GNE: variants seen among roughly 807,000 people sequenced by gnomAD.
The protein encoded by GNE is glucosamine (UDP-N-acetyl)-2-epimerase/N-acetylmannosamine kinase, also known as bifunctional UDP-N-acetylglucosamine 2-epimerase/N-acetylmannosamine kinase.
A neutral mutation model predicts 61.8 loss-of-function variants in GNE; 41 were observed. The ratio of observed to expected loss-of-function variants is 0.66; its 90% CI spans 0.52 to 0.86. The LOEUF (loss-of-function observed/expected upper bound fraction) is 0.86. GNE is among the 40% of genes least tolerant of loss of function. GNE has a pLI of 0.00. For synonymous variants in GNE, 264 were observed against 326.4 expected (o/e 0.81, Z 2.06); for missense variants, 608 against 909.1 (o/e 0.67, Z 4.26).
intron 1 of GNE, among the ~76,000 whole-genome samples, chr9:36,267,560 G>C (rs1014642071): frequency 6.6e-6 from 1 of 152,014 alleles, no homozygotes; most frequent in Middle Eastern, 3.4e-3. Flanking sequence ...GTCAGGCGTG[G>C]TGGCAGGTGC....
At position 36,216,345 on chromosome 9, in the gene GNE, G is replaced by GTGTGTGTGTGTGTGTGTGTGTA; in HGVS notation, c.*1019_*1020insTACACACACACACACACACACA. The stretch of plus-strand genomic sequence containing the variant: ...AGGAAGGATGTGTGTGTGTGTGTGT[G>GTGTGTGTGTGTGTGTGTGTGTA]TGTGTGTGTAGACGGAGTCTCGCTC... On this transcript the variant is annotated 3_prime_UTR_variant, in exon 12 of 12. Coordinates refer to ENST00000642385, the MANE Select transcript of GNE (RefSeq NM_005476.7). 1 of 423,248 alleles carries GTGTGTGTGTGTGTGTGTGTGTA rather than the reference G, an allele frequency of 2.4e-6. No individual in the cohort carries two copies. Among genetic ancestry groups the GTGTGTGTGTGTGTGTGTGTGTA allele is most frequent in the African/African-American group, 2.0e-5 (1 of 48,954 alleles). 26.2% of individuals were successfully genotyped at this position (423,248 alleles called of 1,614,324 possible).
chr9:36,229,628 A>G (rs1450330896), intron 5 of GNE, among the ~76,000 whole-genome samples: 1 of 152,112 alleles, frequency 6.6e-6, no homozygotes, highest in African/African-American at 2.4e-5. Context: ...TCAAGAAAGG[A>G]GTTGTTTTGT....
At chr9:36,242,734 T>C (rs867489749) in intron 3 of GNE, among the ~76,000 whole-genome samples, 33,691 of 87,204 alleles carry the variant, frequency 0.39, 5,788 homozygotes, top group Non-Finnish European at 0.45. Context: ...TTATGCTTGT[T>C]TTTTTTTTTT....
chr9:36,245,087 G>C (rs1829814034), intron 3 of GNE, among the ~76,000 whole-genome samples: 1 of 151,548 alleles, frequency 6.6e-6, no homozygotes, highest in Admixed American at 6.6e-5. Context: ...AGACCAGCCT[G>C]GCCAACATGG....
At chr9:36,245,946 A>G (rs1241541796) in intron 3 of GNE, 85 bp downstream of exon 3, 14 of 1,070,604 alleles carry the variant, frequency 1.3e-5, no homozygotes, top group Non-Finnish European at 1.8e-5. Flanking sequence ...TATTCTATCC[A>G]TAATAGTTTC....
chr9:36,272,956 G>C (rs1831098641), intron 1 of GNE, among the ~76,000 whole-genome samples: 2 of 149,926 alleles, frequency 1.3e-5, no homozygotes, highest in South Asian at 2.1e-4. Flanking sequence ...ATGGTGGCGT[G>C]CGCCTGTAGT....
intron 4 of GNE, among the ~76,000 whole-genome samples, chr9:36,235,626 G>A (rs934229238): frequency 4.6e-5 from 7 of 152,062 alleles, no homozygotes; most frequent in Non-Finnish European, 8.8e-5. Context: ...AAATTTAAAG[G>A]TCAGAAAAGA....
Position 36,217,501 on chromosome 9 carries a change from ATG to A in GNE, c.2031_2032del (p.Ile678CysfsTer25). 1 of 1,614,018 alleles carries A rather than the reference ATG, an allele frequency of 6.2e-7. No individual in the cohort carries two copies. On this transcript the variant is annotated frameshift_variant, in exon 12 of 12. Coordinates refer to ENST00000642385, the MANE Select transcript of GNE (RefSeq NM_005476.7). LOFTEE classifies it high-confidence loss of function. ...CTGCTGGCGAATGACGTCTTTGACA[ATG>A]TGGATATAGTGACTGGCCAGGACTC... is the stretch of plus-strand genomic sequence containing the variant.
upstream of GNE, among the ~76,000 whole-genome samples, chr9:36,259,403 T>C (rs1830534229): frequency 6.8e-6 from 1 of 147,528 alleles, no homozygotes; most frequent in South Asian, 2.1e-4. Flanking sequence ...TTTTTTTTTT[T>C]ACAACCATTA....
chr9:36,259,012 C>T (rs946533336), upstream of GNE, among the ~76,000 whole-genome samples: 1 of 152,180 alleles, frequency 6.6e-6, no homozygotes, highest in African/African-American at 2.4e-5. Flanking sequence ...AGTCCCGAGG[C>T]CTAGGGACAT....
intron 3 of GNE, 52 bp from the exon 4 acceptor site, chr9:36,237,036 G>A (rs1249312302): frequency 3.5e-6 from 5 of 1,428,492 alleles, no homozygotes; most frequent in South Asian, 1.2e-5. Flanking sequence ...AATCTTAAAA[G>A]AGAAAGAAGC....
At chr9:36,241,323 G>A (rs1829622072) in intron 3 of GNE, among the ~76,000 whole-genome samples, 1 of 152,088 alleles carries the variant, frequency 6.6e-6, no homozygotes, top group African/African-American at 2.4e-5. Context: ...CACCATGTTG[G>A]CCAGGATGGT....
chr9:36,248,346 C>T (rs1829986537), intron 2 of GNE, among the ~76,000 whole-genome samples: 1 of 150,700 alleles, frequency 6.6e-6, no homozygotes, highest in African/African-American at 2.4e-5. Context: ...CGGAGTCTCA[C>T]TCTTGTTGCC....
chr9:36,217,313 T>A lies in GNE; in HGVS notation c.*52A>T. ...AAACGGTCATCCTAAAGACAAGAAC[T>A]TGATTCCACTCAGGAGCTCTGGAGA... On this transcript the variant is annotated 3_prime_UTR_variant, in exon 12 of 12. Transcript: ENST00000642385. The A allele has an allele frequency of 8.3e-7, 1 of 1,198,862 alleles. No individual in the cohort carries two copies. The highest frequency in any genetic ancestry group is 1.2e-5 in the South Asian group (1 of 80,106). 74.3% of individuals were successfully genotyped at this position (1,198,862 alleles called of 1,614,324 possible). A position where few individuals can be genotyped will look rare whatever the true frequency, so the allele number is the denominator to read the frequency against.
At chr9:36,257,340 C>G (rs1318855004) in intron 1 of GNE, among the ~76,000 whole-genome samples, 1 of 152,120 alleles carries the variant, frequency 6.6e-6, no homozygotes, top group African/African-American at 2.4e-5. Context: ...CTATATAAAG[C>G]TGTCTGAAAG....
intron 1 of GNE, among the ~76,000 whole-genome samples, chr9:36,268,563 G>T (rs915696300): frequency 1.3e-5 from 2 of 152,058 alleles, no homozygotes; most frequent in African/African-American, 4.8e-5. Flanking sequence ...AGCTACTCGG[G>T]AGGCTGAGGT....
intron 6 of GNE, among the ~76,000 whole-genome samples, 155 bp downstream of exon 6, chr9:36,228,866 T>C (rs1258418689): frequency 6.6e-6 from 1 of 151,508 alleles, no homozygotes; most frequent in Non-Finnish European, 1.5e-5. Flanking sequence ...ATAATGGGTA[T>C]GATATTAGCA....
chr9:36,234,159 T>G, intron 4 of GNE, 27 bp from the exon 5 acceptor site: 15 of 1,517,414 alleles, frequency 9.9e-6, no homozygotes, highest in African/African-American at 1.4e-5. Context: ...AACCAATTGG[T>G]AAATGGTTTG....
At chr9:36,267,450 A>C (rs936635287) in intron 1 of GNE, among the ~76,000 whole-genome samples, 2 of 152,062 alleles carry the variant, frequency 1.3e-5, no homozygotes, top group Non-Finnish European at 2.9e-5. Flanking sequence ...TAATCCCAAC[A>C]CTTTGGGAGG....
Sources: allele counts gnomAD v4.1 joint callset (sites outside exome capture counted in the v4.1 genomes callset), GRCh38; gene constraint gnomAD v4.1.1; transcripts MANE v1.5; gene names NCBI Gene and HGNC (gene_info 2026-07-23, HGNC 2026-07-21).